Variants in EPHA6 observed in about 807,000 individuals in gnomAD.
EPHA6 encodes the protein EPH receptor A6.
In EPHA6, 50 loss-of-function variants were observed where a neutral mutation model predicts 112.0. The observed-to-expected ratio is 0.45, with a 90% confidence interval of 0.36 to 0.56. EPHA6 has a LOEUF of 0.56. Ranked by LOEUF, EPHA6 falls within the 20% of genes least tolerant of loss-of-function variation. The pLI is 0.00. For missense variants in EPHA6, 1,280 were observed against 1,417.4 expected (o/e 0.90, Z 1.56); for synonymous variants, 529 against 490.7 (o/e 1.08, Z -1.03).
intron 2 of EPHA6, among the ~76,000 whole-genome samples, chr3:96,964,711 T>C (rs2107762673): frequency 6.6e-6 from 1 of 152,332 alleles, no homozygotes; most frequent in South Asian, 2.1e-4. Flanking sequence ...ATGAATGTAC[T>C]TATCCGTTTC....
chr3:97,570,384 A>C (rs1282102237), intron 11 of EPHA6, among the ~76,000 whole-genome samples: 1 of 152,196 alleles, frequency 6.6e-6, no homozygotes, highest in Non-Finnish European at 1.5e-5. Context: ...ATAACACCTC[A>C]ATCTGCCTTA....
intron 5 of EPHA6, among the ~76,000 whole-genome samples, chr3:97,298,834 T>G (rs867290032): frequency 9.9e-5 from 15 of 152,200 alleles, no homozygotes; most frequent in South Asian, 8.3e-4. Flanking sequence ...GTGTAACCAC[T>G]GAAATATATT....
chr3:96,988,948 A>G (rs1391606737), intron 3 of EPHA6, among the ~76,000 whole-genome samples: 2 of 152,068 alleles, frequency 1.3e-5, no homozygotes, highest in Non-Finnish European at 2.9e-5. Context: ...TATACCCCCT[A>G]ATAAAGAGCA....
intron 11 of EPHA6, among the ~76,000 whole-genome samples, chr3:97,546,144 A>T (rs1275822560): frequency 1.3e-5 from 2 of 152,204 alleles, no homozygotes; most frequent in Non-Finnish European, 2.9e-5. Context: ...TAGTTGATGC[A>T]GTTTCTTCCT....
intron 2 of EPHA6, among the ~76,000 whole-genome samples, chr3:96,868,496 C>T (rs2036455269): frequency 6.6e-6 from 1 of 151,720 alleles, no homozygotes; most frequent in African/African-American, 2.4e-5. Flanking sequence ...AACATGTAAA[C>T]CAGCATTTAT....
intron 14 of EPHA6, among the ~76,000 whole-genome samples, chr3:97,708,742 G>A (rs1349936138): frequency 6.6e-6 from 1 of 152,226 alleles, no homozygotes; most frequent in African/African-American, 2.4e-5. Flanking sequence ...GGGCCCCACT[G>A]CTCTGTACAG....
intron 3 of EPHA6, among the ~76,000 whole-genome samples, chr3:97,073,703 G>A (rs1002734820): frequency 3.3e-5 from 5 of 151,622 alleles, no homozygotes; most frequent in African/African-American, 1.2e-4. Flanking sequence ...GATATAAATC[G>A]CTAAGATTTT....
At chr3:97,139,664 C>T (rs2075849476) in intron 3 of EPHA6, among the ~76,000 whole-genome samples, 1 of 152,090 alleles carries the variant, frequency 6.6e-6, no homozygotes, top group Non-Finnish European at 1.5e-5. Flanking sequence ...TGCAACACTC[C>T]CACCCTCGGG....
At chr3:97,417,613 C>CA (rs374137901) in intron 6 of EPHA6, among the ~76,000 whole-genome samples, 2,172 of 148,024 alleles carry the variant, frequency 0.015, 48 homozygotes, top group African/African-American at 0.049. Context: ...TTCTCTTGTC[C>CA]AAAAAAAAAA....
At chr3:97,603,129 G>T (rs1338948201) in intron 12 of EPHA6, among the ~76,000 whole-genome samples, 1 of 151,968 alleles carries the variant, frequency 6.6e-6, no homozygotes, top group South Asian at 2.1e-4. Flanking sequence ...AATATGGTTA[G>T]TATCTTATAG....
intron 3 of EPHA6, among the ~76,000 whole-genome samples, chr3:97,074,605 C>T (rs2046459019): frequency 6.6e-6 from 1 of 151,680 alleles, no homozygotes. Context: ...AAAAATGAAT[C>T]CAATAGAAAC....
chr3:96,969,301 A>G (rs551086579), intron 2 of EPHA6, among the ~76,000 whole-genome samples: 1 of 152,020 alleles, frequency 6.6e-6, no homozygotes, highest in South Asian at 2.1e-4. Flanking sequence ...TCAGATTTTC[A>G]TATCTGGCAC....
At chr3:97,477,905 T>C (rs929400179) in intron 8 of EPHA6, among the ~76,000 whole-genome samples, 4 of 152,114 alleles carry the variant, frequency 2.6e-5, no homozygotes, top group African/African-American at 9.7e-5. Context: ...ATCATGTAAC[T>C]ATACTGTGAA....
chr3:97,124,908 A>G (rs1005409321), intron 3 of EPHA6, among the ~76,000 whole-genome samples: 2 of 152,192 alleles, frequency 1.3e-5, no homozygotes, highest in Non-Finnish European at 2.9e-5. Flanking sequence ...GAGCAGTTCC[A>G]GATCTATCTT....
chr3:96,985,420 A>G lies in EPHA6; in HGVS notation c.451-1910A>G, dbSNP rs549596215. On this transcript the variant is annotated intron_variant, in intron 2 of 17. Coordinates refer to ENST00000389672, the MANE Select transcript of EPHA6 (RefSeq NM_001080448.3). ...AGTTTAAAATTATATCATATTTTTTACTATTATCTTGGTTCACAGTTATAT... is the reference window on the plus strand; with the variant it reads ...AGTTTAAAATTATATCATATTTTTTGCTATTATCTTGGTTCACAGTTATAT... Among the ~76,000 whole-genome samples the G allele has an allele frequency of 3.3e-5, 5 of 152,218 alleles. No homozygotes were observed. In the South Asian group the frequency reaches 8.3e-4, roughly 25 times the overall value.
At chr3:97,501,556 GT>G (rs1337120512) in intron 10 of EPHA6, among the ~76,000 whole-genome samples, 1 of 151,730 alleles carries the variant, frequency 6.6e-6, no homozygotes, top group Non-Finnish European at 1.5e-5. Flanking sequence ...CACATGAATT[GT>G]TTTCAAAGTA....
intron 11 of EPHA6, among the ~76,000 whole-genome samples, chr3:97,535,853 T>A (rs753809500): frequency 4.7e-4 from 72 of 152,276 alleles, no homozygotes; most frequent in Non-Finnish European, 7.9e-4. Flanking sequence ...CATTTTTTTT[T>A]ATCTCATATA....
intron 13 of EPHA6, chr3:97,612,231 C>T (rs1457525598): frequency 4.5e-6 from 1 of 220,010 alleles, no homozygotes; most frequent in African/African-American, 2.3e-5. Context: ...GTACTTAGTA[C>T]TTGAAATGCT....
chr3:96,987,946 GGTGCATCTGCA>G lies in EPHA6; in HGVS notation c.1070_1080del (p.Cys357TyrfsTer4). On this transcript the variant is annotated frameshift_variant, in exon 3 of 18. Coordinates refer to ENST00000389672, the MANE Select transcript of EPHA6 (RefSeq NM_001080448.3). LOFTEE classifies it high-confidence loss of function. ...GGAGATTGGCTGGTTCCTCTTGGAA[GGTGCATCTGCA>G]GTACAGGATATGAAGAAATTGAGGG... The G allele has an allele frequency of 7.4e-6, 12 of 1,613,260 alleles. No individual in the cohort carries two copies. The highest frequency in any genetic ancestry group is 1.0e-5 in the Non-Finnish European group (12 of 1,179,494).
Sources: gnomAD v4.1 joint callset for allele counts (sites outside exome capture counted in the v4.1 genomes callset) on GRCh38, gnomAD v4.1.1 for gene constraint, MANE v1.5 for transcripts, NCBI Gene and HGNC (gene_info 2026-07-23, HGNC 2026-07-21) for gene names.